The following ERBIN variants were observed in gnomAD, a reference collection of about 807,000 sequenced individuals.
ERBIN encodes the protein erbb2 interacting protein, also known as densin-180-like protein.
Under a neutral mutation model 158.4 loss-of-function variants are expected in ERBIN, and 60 were observed. That is an observed-to-expected ratio of 0.38 (90% CI 0.31 to 0.47). The LOEUF is 0.47. Among genes scored for constraint, ERBIN ranks in the 20% least tolerant of loss-of-function variants. The pLI, the probability that ERBIN is intolerant of heterozygous loss-of-function variation, is 0.99. For missense variants in ERBIN, 1,610 were observed against 1,648.0 expected (o/e 0.98, Z 0.40); for synonymous variants, 594 against 557.2 (o/e 1.07, Z -0.93).
intron 3 of ERBIN, 56 bp from the exon 4 acceptor site, chr5:65,994,691 C>G: frequency 2.1e-6 from 2 of 962,810 alleles, no homozygotes; most frequent in Non-Finnish European, 3.2e-6. Flanking sequence ...AAAGTTAGTT[C>G]ATGAAATATT....
intron 1 of ERBIN, among the ~76,000 whole-genome samples, chr5:65,927,866 GT>G (rs1742853125): frequency 6.6e-6 from 1 of 152,112 alleles, no homozygotes; most frequent in Non-Finnish European, 1.5e-5. Context: ...TAAACCCAAA[GT>G]TTTTTTCAGT....
At position 66,018,454 on chromosome 5, in the gene ERBIN, T is replaced by TTA. The variant is rs1554058715; in HGVS notation, c.534-2864_534-2863dup. On this transcript the variant is annotated intron_variant, in intron 7 of 25. Coordinates refer to ENST00000284037, the MANE Select transcript of ERBIN (RefSeq NM_001253697.2). ...ATTGATATATATAATATAATATATA[T>TTA]TATATTATATAATATATATTATATA... Among the ~76,000 whole-genome samples, 7 of 21,986 alleles carry TTA rather than the reference T, an allele frequency of 3.2e-4. No individual in the cohort carries two copies. The East Asian group carries it at 4.8e-3, about 15-fold the overall frequency. 14.4% of individuals were successfully genotyped at this position (21,986 alleles called of 152,430 possible).
chr5:66,061,556 A>G (rs1760345510), intron 21 of ERBIN, among the ~76,000 whole-genome samples: 1 of 152,060 alleles, frequency 6.6e-6, no homozygotes, highest in Non-Finnish European at 1.5e-5. Flanking sequence ...TAAGGTTAGT[A>G]GTGTTATGTG....
At chr5:65,996,138 T>A (rs1425817788) in intron 4 of ERBIN, among the ~76,000 whole-genome samples, 2 of 152,098 alleles carry the variant, frequency 1.3e-5, no homozygotes, top group Non-Finnish European at 2.9e-5. Flanking sequence ...TGTTTTTGCT[T>A]TTTTTGCCTG....
At chr5:65,948,013 A>AG (rs1302032438) in intron 1 of ERBIN, among the ~76,000 whole-genome samples, 1 of 151,488 alleles carries the variant, frequency 6.6e-6, no homozygotes, top group Non-Finnish European at 1.5e-5. Context: ...TGCATTTCAA[A>AG]AAAAAAAAAA....
intron 4 of ERBIN, among the ~76,000 whole-genome samples, chr5:66,000,988 T>A (rs562298715): frequency 6.6e-6 from 1 of 152,254 alleles, no homozygotes; most frequent in East Asian, 1.9e-4. Flanking sequence ...ATATGTATGT[T>A]TGTATAGGTC....
At chr5:66,029,135 A>G (rs1208523819) in intron 14 of ERBIN, among the ~76,000 whole-genome samples, 1 of 152,272 alleles carries the variant, frequency 6.6e-6, no homozygotes, top group South Asian at 2.1e-4. Context: ...CATCTCTTCA[A>G]CATACTGATT....
intron 2 of ERBIN, 36 bp from the exon 3 acceptor site, chr5:65,992,674 G>T: frequency 6.8e-7 from 1 of 1,460,124 alleles, no homozygotes; most frequent in South Asian, 1.3e-5. Flanking sequence ...GTTGTAATAT[G>T]TATGTTTTAA....
At chr5:65,975,042 C>T (rs191240088) in intron 1 of ERBIN, among the ~76,000 whole-genome samples, 4 of 152,286 alleles carry the variant, frequency 2.6e-5, no homozygotes, top group East Asian at 3.9e-4. Flanking sequence ...GGTGGAGTCT[C>T]GCTCTGTTGA....
chr5:66,010,110 G>C (rs1754048968), intron 4 of ERBIN, among the ~76,000 whole-genome samples: 1 of 151,942 alleles, frequency 6.6e-6, no homozygotes, highest in Non-Finnish European at 1.5e-5. Context: ...TTCGCGTATT[G>C]CATTTATTTG....
At chr5:66,077,141 ACT>A (rs1234499960) in intron 25 of ERBIN, among the ~76,000 whole-genome samples, 192 bp downstream of exon 25, 3 of 140,156 alleles carry the variant, frequency 2.1e-5, no homozygotes, top group Non-Finnish European at 4.6e-5. Context: ...ACAGAGCGAG[ACT>A]CTGTCTCAAA....
intron 1 of ERBIN, among the ~76,000 whole-genome samples, chr5:65,931,943 T>C (rs1202889147): frequency 6.6e-6 from 1 of 151,084 alleles, no homozygotes; most frequent in Non-Finnish European, 1.5e-5. Context: ...CTCAGCCTCC[T>C]GAGTAGCTGG....
chr5:65,963,207 T>C (rs1405105952), intron 1 of ERBIN, among the ~76,000 whole-genome samples: 1 of 152,208 alleles, frequency 6.6e-6, no homozygotes, highest in Non-Finnish European at 1.5e-5. Flanking sequence ...AATAAATTAC[T>C]TTTTTATTCT....
Position 66,078,713 on chromosome 5 carries a change from A to C in ERBIN, c.*183A>C, listed in dbSNP as rs2151316845. 1.8e-6 allele frequency: 1 copy of C among 571,348 alleles called. No homozygotes were observed. The highest frequency in any genetic ancestry group is 3.1e-6 in the Non-Finnish European group (1 of 323,400). 35.4% of individuals were successfully genotyped at this position (571,348 alleles called of 1,614,324 possible). On this transcript the variant is annotated 3_prime_UTR_variant, in exon 26 of 26. Coordinates refer to ENST00000284037, the MANE Select transcript of ERBIN (RefSeq NM_001253697.2). ...GAAAGAACCACTGTACAGAATATAA[A>C]GGAGACTGTTGAATTCATACCATAT...
intron 1 of ERBIN, among the ~76,000 whole-genome samples, chr5:65,942,872 C>T (rs1462533523): frequency 6.7e-6 from 1 of 149,706 alleles, no homozygotes; most frequent in Non-Finnish European, 1.5e-5. Context: ...CACGCCAGTG[C>T]ACTCCAGCCT....
intron 1 of ERBIN, among the ~76,000 whole-genome samples, chr5:65,973,549 A>G (rs1376034857): frequency 1.3e-5 from 2 of 151,452 alleles, no homozygotes; most frequent in Non-Finnish European, 2.9e-5. Context: ...ACTCACATCT[A>G]GGATTCTCAA....
intron 1 of ERBIN, among the ~76,000 whole-genome samples, chr5:65,939,622 A>G (rs2150871058): frequency 6.6e-6 from 1 of 151,986 alleles, no homozygotes; most frequent in African/African-American, 2.4e-5. Flanking sequence ...TACTGCTGCC[A>G]TCTCGGCTCA....
intron 1 of ERBIN, among the ~76,000 whole-genome samples, chr5:65,963,856 T>A (rs1748219345): frequency 6.6e-6 from 1 of 150,586 alleles, no homozygotes; most frequent in Admixed American, 6.6e-5. Flanking sequence ...GTGGTGCGAT[T>A]TCAACTCACT....
At chr5:65,947,821 A>G (rs1445953118) in intron 1 of ERBIN, among the ~76,000 whole-genome samples, 2 of 152,114 alleles carry the variant, frequency 1.3e-5, no homozygotes, top group Non-Finnish European at 2.9e-5. Flanking sequence ...AACCTGGCCA[A>G]CATGACAAAA....
Sources: gnomAD v4.1 joint callset for allele counts (sites outside exome capture counted in the v4.1 genomes callset) on GRCh38, gnomAD v4.1.1 for gene constraint, MANE v1.5 for transcripts, NCBI Gene and HGNC (gene_info 2026-07-23, HGNC 2026-07-21) for gene names.